CHID1: variants seen among roughly 807,000 people sequenced by gnomAD.
CHID1 encodes the protein chitinase domain containing 1.
A neutral mutation model predicts 55.4 loss-of-function variants in CHID1; 44 were observed. That is an observed-to-expected ratio of 0.79 (90% confidence interval 0.62 to 1.02). The LOEUF (loss-of-function observed/expected upper bound fraction) is 1.02. CHID1 is among the 50% of genes least tolerant of loss of function. The pLI, the probability that CHID1 is intolerant of heterozygous loss-of-function variation, is 0.00. For missense variants in CHID1, 491 were observed against 515.3 expected (o/e 0.95, Z 0.46); for synonymous variants, 216 against 212.9 (o/e 1.01, Z -0.13).
intron 8 of CHID1, 142 bp from the exon 9 acceptor site, chr11:884,311 C>T: frequency 1.6e-6 from 1 of 632,880 alleles, no homozygotes; most frequent in East Asian, 2.8e-5. Flanking sequence ...TGGGGACAGC[C>T]TGCAGCTTGG....
At chr11:912,582 C>T (rs1280058793), upstream of CHID1, among the ~76,000 whole-genome samples, 1 of 152,126 alleles carries the variant, frequency 6.6e-6, no homozygotes, top group African/African-American at 2.4e-5. Flanking sequence ...CGGTGGCTCA[C>T]GCTTGTAATC....
At chr11:871,803 C>T (rs1849192297) in intron 10 of CHID1, among the ~76,000 whole-genome samples, 1 of 136,850 alleles carries the variant, frequency 7.3e-6, no homozygotes. Context: ...AGGGTTTATC[C>T]AAGTGAGAAA....
chr11:912,991 A>T (rs1399457018), upstream of CHID1, among the ~76,000 whole-genome samples: 1 of 152,232 alleles, frequency 6.6e-6, no homozygotes, highest in East Asian at 1.9e-4. Context: ...ACTTGAACAC[A>T]TTTCGTATTT....
At chr11:913,527 CT>C (rs575677146), upstream of CHID1, among the ~76,000 whole-genome samples, 23 of 152,332 alleles carry the variant, frequency 1.5e-4, no homozygotes, top group Admixed American at 1.5e-3. Flanking sequence ...AATCCCAGCA[CT>C]TTGGGAGGCC....
chr11:888,842 C>T (rs1004028603), intron 8 of CHID1, among the ~76,000 whole-genome samples: 1 of 151,784 alleles, frequency 6.6e-6, no homozygotes, highest in Non-Finnish European at 1.5e-5. Context: ...ATGCCAGTGC[C>T]TGCCCACTCG....
chr11:899,253 CT>C, intron 7 of CHID1, 86 bp downstream of exon 7: 1 of 1,353,442 alleles, frequency 7.4e-7, no homozygotes, highest in Non-Finnish European at 1.0e-6. Context: ...AAGGAAGGCC[CT>C]CCCCAAACCC....
chr11:900,211 G>A (rs1851706976), intron 5 of CHID1, 101 bp from the exon 6 acceptor site: 3 of 876,786 alleles, frequency 3.4e-6, no homozygotes, highest in South Asian at 3.0e-5. Flanking sequence ...CCTCCAGAGG[G>A]AAGTGAGACC....
Position 869,469 on chromosome 11 carries a change from T to C in CHID1, c.*389A>G, listed in dbSNP as rs557910785. 1.5e-5 allele frequency: 4 copies of C among 262,124 alleles called. No individual in the cohort carries two copies. The highest frequency in any genetic ancestry group is 3.0e-5 in the Non-Finnish European group (4 of 135,364). The allele number at this position is 262,124 out of a possible 1,614,324, so 16.2% of individuals were successfully genotyped here. A position where few individuals can be genotyped will look rare whatever the true frequency, so the allele number is the denominator to read the frequency against. On this transcript the variant is annotated 3_prime_UTR_variant, in exon 13 of 13. Coordinates refer to ENST00000323578, the MANE Select transcript of CHID1 (RefSeq NM_023947.4). ...GGCAGAGCTGTCCCTGCGAGGGCCC[T>C]CGAATCCAGGAGTGGGCGAGTCCGG...
chr11:889,337 C>T (rs893742457), intron 8 of CHID1, among the ~76,000 whole-genome samples: 4 of 152,346 alleles, frequency 2.6e-5, no homozygotes, highest in Admixed American at 2.0e-4. Context: ...GATGCCCCCT[C>T]TTCCCTCGGC....
chr11:873,509 G>C (rs1025225069), intron 10 of CHID1, among the ~76,000 whole-genome samples: 1 of 152,138 alleles, frequency 6.6e-6, no homozygotes, highest in African/African-American at 2.4e-5. Flanking sequence ...GGAAGGAAGG[G>C]CCACAGAGAG....
chr11:891,280 T>C (rs569256094), intron 8 of CHID1, among the ~76,000 whole-genome samples: 2 of 152,000 alleles, frequency 1.3e-5, no homozygotes, highest in Non-Finnish European at 2.9e-5. Context: ...TGGGTCCCAC[T>C]TCCCCGGGGA....
intron 10 of CHID1, among the ~76,000 whole-genome samples, chr11:880,877 G>A (rs552200441): frequency 6.6e-6 from 1 of 152,196 alleles, no homozygotes; most frequent in Non-Finnish European, 1.5e-5. Flanking sequence ...CCAGAACAAA[G>A]ATTAAGATGA....
intron 7 of CHID1, among the ~76,000 whole-genome samples, chr11:893,796 G>C (rs533662470): frequency 2.0e-5 from 3 of 151,824 alleles, no homozygotes; most frequent in African/African-American, 7.3e-5. Context: ...ACAGCCCCAC[G>C]TGTGTACATC....
In CHID1 at chr11:869,431, T is replaced by C. The variant is rs1849023751; in HGVS notation, c.*427A>G. On this transcript the variant is annotated 3_prime_UTR_variant, in exon 13 of 13. Coordinates refer to ENST00000323578, the MANE Select transcript of CHID1 (RefSeq NM_023947.4). ...TCTCAGCTCTATCACTGCCAGGCCC[T>C]GGGGTGATGCTGGGCAGAGCTGTCC... is the stretch of plus-strand genomic sequence containing the variant. 1 of 214,818 alleles carries C rather than the reference T, an allele frequency of 4.7e-6. No homozygotes were observed. The highest frequency in any genetic ancestry group is 5.2e-5 in the Admixed American group (1 of 19,094). 13.3% of individuals were successfully genotyped at this position (214,818 alleles called of 1,614,324 possible). A position where few individuals can be genotyped will look rare whatever the true frequency, so the allele number is the denominator to read the frequency against.
chr11:902,473 C>T, intron 3 of CHID1, 143 bp from the exon 4 acceptor site: 1 of 841,364 alleles, frequency 1.2e-6, no homozygotes, highest in Non-Finnish European at 1.9e-6. Flanking sequence ...CAGCTCCTGG[C>T]CTGGGGTATC....
chr11:909,832 C>T (rs1375248314), intron 1 of CHID1, among the ~76,000 whole-genome samples: 3 of 152,022 alleles, frequency 2.0e-5, no homozygotes, highest in African/African-American at 7.3e-5. Flanking sequence ...ATTTTTCTGC[C>T]GGGCAGATCA....
At chr11:870,091 C>T in intron 12 of CHID1, 30 bp downstream of exon 12, 1 of 1,612,218 alleles carries the variant, frequency 6.2e-7, no homozygotes, top group Admixed American at 1.7e-5. Flanking sequence ...CCCACCCCTC[C>T]CCCGGTCCCA....
At chr11:905,771 T>C (rs1053597864) in intron 1 of CHID1, among the ~76,000 whole-genome samples, 7 of 152,122 alleles carry the variant, frequency 4.6e-5, no homozygotes, top group Non-Finnish European at 8.8e-5. Flanking sequence ...TAGCTACCTA[T>C]TTATGCAGTC....
chr11:872,961 C>T (rs1225034329), intron 10 of CHID1, among the ~76,000 whole-genome samples: 5 of 152,170 alleles, frequency 3.3e-5, no homozygotes, highest in Non-Finnish European at 7.4e-5. Flanking sequence ...CACTCAGGAG[C>T]CCCAGCCTGG....
Sources: allele counts gnomAD v4.1 joint callset (sites outside exome capture counted in the v4.1 genomes callset), GRCh38; gene constraint gnomAD v4.1.1; transcripts MANE v1.5; gene names NCBI Gene and HGNC (gene_info 2026-07-23, HGNC 2026-07-21).